The following MEMO1 variants were observed in gnomAD, a reference collection of about 807,000 sequenced individuals.
MEMO1 encodes protein MEMO1.
In MEMO1, 6 loss-of-function variants were observed where a neutral mutation model predicts 45.2. The observed-to-expected ratio is 0.13, with a 90% CI of 0.07 to 0.26. The LOEUF is 0.26. Ranked by LOEUF, MEMO1 falls within the 10% of genes least tolerant of loss-of-function variation. MEMO1 has a pLI of 1.00. For missense variants in MEMO1, 184 were observed against 370.5 expected (o/e 0.50, Z 4.13); for synonymous variants, 78 against 124.3 (o/e 0.63, Z 2.48).
chr2:31,894,167 A>G (rs1677371715), intron 6 of MEMO1, among the ~76,000 whole-genome samples: 1 of 152,230 alleles, frequency 6.6e-6, no homozygotes, highest in African/African-American at 2.4e-5. Flanking sequence ...AAAGGCAAAA[A>G]CAAACAAGCA....
chr2:31,870,128 C>T (rs1167672202), intron 8 of MEMO1, among the ~76,000 whole-genome samples, 176 bp from the exon 9 acceptor site: 1 of 152,090 alleles, frequency 6.6e-6, no homozygotes, highest in Non-Finnish European at 1.5e-5. Context: ...AAAGCTATTA[C>T]CACCATTATA....
intron 2 of MEMO1, among the ~76,000 whole-genome samples, chr2:31,981,455 T>C (rs1353565687): frequency 1.3e-5 from 2 of 152,244 alleles, no homozygotes; most frequent in African/African-American, 4.8e-5. Context: ...ATGAAAGCCA[T>C]GTATCCAAAT....
intron 2 of MEMO1, among the ~76,000 whole-genome samples, chr2:31,966,585 G>C (rs948449308): frequency 6.6e-6 from 1 of 151,966 alleles, no homozygotes; most frequent in African/African-American, 2.4e-5. Flanking sequence ...ACAAAAATTA[G>C]CCAGGCATGG....
At chr2:31,875,265 A>G (rs1474419425) in intron 8 of MEMO1, among the ~76,000 whole-genome samples, 1 of 152,160 alleles carries the variant, frequency 6.6e-6, no homozygotes, top group African/African-American at 2.4e-5. Flanking sequence ...GTAATTTGGG[A>G]TATCTAAAGT....
At chr2:31,958,405 C>T (rs1303944459) in intron 2 of MEMO1, among the ~76,000 whole-genome samples, 1 of 151,694 alleles carries the variant, frequency 6.6e-6, no homozygotes, top group Non-Finnish European at 1.5e-5. Context: ...CTCCAACTAA[C>T]AGGAAATCAT....
chr2:31,968,787 T>A (rs1248023390), intron 2 of MEMO1, among the ~76,000 whole-genome samples: 2 of 152,206 alleles, frequency 1.3e-5, no homozygotes, highest in South Asian at 4.1e-4. Flanking sequence ...TTGTTGTCCA[T>A]CATAGATGGA....
chr2:31,955,876 G>A (rs898428666), intron 2 of MEMO1, among the ~76,000 whole-genome samples: 6 of 152,160 alleles, frequency 3.9e-5, no homozygotes, highest in Admixed American at 1.3e-4. Context: ...CCAAAGCGCT[G>A]GTAGTACAGG....
At chr2:31,922,762 T>C (rs904985615) in intron 4 of MEMO1, among the ~76,000 whole-genome samples, 3 of 152,102 alleles carry the variant, frequency 2.0e-5, no homozygotes, top group African/African-American at 7.2e-5. Context: ...TTGCTTAGGA[T>C]AATGGCCTCT....
chr2:31,925,496 A>AAAAAAAAAAAAAAAAC (rs1682967369), intron 4 of MEMO1, among the ~76,000 whole-genome samples: 1 of 144,398 alleles, frequency 6.9e-6, no homozygotes, highest in South Asian at 2.3e-4. Context: ...AAAAAAAAAA[A>AAAAAAAAAAAAAAAAC]AAATCTGTTC....
intron 2 of MEMO1, among the ~76,000 whole-genome samples, chr2:32,002,263 A>G (rs995795782): frequency 1.4e-5 from 2 of 147,616 alleles, no homozygotes; most frequent in Admixed American, 1.4e-4. Flanking sequence ...GTGTATATAT[A>G]CATACACATA....
chr2:31,869,972 AGAG>A lies in MEMO1; in HGVS notation c.658-23_658-21del. On this transcript the variant is annotated intron_variant, in intron 8 of 9. Coordinates refer to ENST00000404530, the MANE Select transcript of MEMO1 (RefSeq NM_001301833.4). The stretch of plus-strand genomic sequence containing the variant: ...CATACCCTAAAAAAAAAAAAAAAGA[AGAG>A]GAAGAAAAAAATAAAAGAAGAAGAC... 1 of 1,429,016 alleles carries A rather than the reference AGAG, an allele frequency of 7.0e-7. No homozygotes were observed. Among genetic ancestry groups the A allele is most frequent in the Non-Finnish European group, 9.3e-7 (1 of 1,077,100 alleles). The allele number at this position is 1,429,016 out of a possible 1,614,324, so 88.5% of individuals were successfully genotyped here.
chr2:31,978,268 T>C (rs1317706676), intron 2 of MEMO1, among the ~76,000 whole-genome samples: 1 of 151,940 alleles, frequency 6.6e-6, no homozygotes. Context: ...GCACCTGTAA[T>C]CCCAGCTACT....
intron 2 of MEMO1, among the ~76,000 whole-genome samples, chr2:31,968,217 C>T (rs1370615379): frequency 6.6e-6 from 1 of 152,180 alleles, no homozygotes; most frequent in African/African-American, 2.4e-5. Flanking sequence ...GAACATCTGT[C>T]TGAGCCAGTT....
intron 2 of MEMO1, among the ~76,000 whole-genome samples, chr2:31,958,146 G>C (rs1277558748): frequency 6.6e-6 from 1 of 152,054 alleles, no homozygotes; most frequent in Non-Finnish European, 1.5e-5. Flanking sequence ...ACTTTCCAGA[G>C]GGTTCTGATA....
intron 2 of MEMO1, among the ~76,000 whole-genome samples, chr2:31,962,989 A>ATACT (rs1668202169): frequency 6.6e-6 from 1 of 152,206 alleles, no homozygotes; most frequent in South Asian, 2.1e-4. Flanking sequence ...TCCCCCAAGT[A>ATACT]AGACAGAACT....
chr2:31,918,522 G>A (rs1681804624), intron 5 of MEMO1, among the ~76,000 whole-genome samples: 1 of 152,138 alleles, frequency 6.6e-6, no homozygotes, highest in African/African-American at 2.4e-5. Context: ...TTAATAAAAT[G>A]TGTGGTATTA....
intron 2 of MEMO1, among the ~76,000 whole-genome samples, chr2:31,982,239 G>C (rs947444542): frequency 6.7e-6 from 1 of 149,626 alleles, no homozygotes; most frequent in African/African-American, 2.5e-5. Context: ...GGAGGTTACA[G>C]TGAGCCAAGA....
intron 5 of MEMO1, among the ~76,000 whole-genome samples, chr2:31,919,764 A>G (rs1348397088): frequency 6.6e-6 from 1 of 152,084 alleles, no homozygotes; most frequent in African/African-American, 2.4e-5. Context: ...TTGAGGCTGC[A>G]GTGAACTATA....
At chr2:31,939,492 G>A (rs751720657) in intron 3 of MEMO1, among the ~76,000 whole-genome samples, 1 of 152,024 alleles carries the variant, frequency 6.6e-6, no homozygotes, top group Admixed American at 6.6e-5. Flanking sequence ...AAACAAGTCT[G>A]GCTACTTTTT....
Sources: allele counts gnomAD v4.1 joint callset (sites outside exome capture counted in the v4.1 genomes callset), GRCh38; gene constraint gnomAD v4.1.1; transcripts MANE v1.5; gene names NCBI Gene and HGNC (gene_info 2026-07-23, HGNC 2026-07-21).